Variants in YAP1 observed in about 807,000 individuals in gnomAD.
The protein encoded by YAP1 is transcriptional coactivator YAP1.
A neutral mutation model predicts 56.9 loss-of-function variants in YAP1; 5 were observed. The ratio of observed to expected loss-of-function variants is 0.09; its 90% CI spans 0.05 to 0.18. The LOEUF is 0.18. Among genes scored for constraint, YAP1 ranks in the 10% least tolerant of loss-of-function variants. The pLI is 1.00. For synonymous variants in YAP1, 265 were observed against 248.1 expected, an observed-to-expected ratio of 1.07 and a Z score of -0.64; for missense variants, 539 against 651.8, an observed-to-expected ratio of 0.83 and a Z score of 1.88.
At chr11:102,140,201 A>C (rs1944932402) in intron 2 of YAP1, among the ~76,000 whole-genome samples, 2 of 151,816 alleles carry the variant, frequency 1.3e-5, no homozygotes, top group Non-Finnish European at 2.9e-5. Flanking sequence ...TAAAAAAAAA[A>C]ATCTGTATTT....
At chr11:102,181,933 G>T (rs949722496) in intron 3 of YAP1, among the ~76,000 whole-genome samples, 11 of 152,140 alleles carry the variant, frequency 7.2e-5, no homozygotes, top group Admixed American at 4.6e-4. Flanking sequence ...TGATTCTCCT[G>T]CCTCAGTCTC....
At chr11:102,151,311 A>G (rs1026348972) in intron 2 of YAP1, among the ~76,000 whole-genome samples, 2 of 152,066 alleles carry the variant, frequency 1.3e-5, no homozygotes, top group Admixed American at 1.3e-4. Context: ...TTTAAGTGGT[A>G]CAGAAATCAT....
At chr11:102,153,822 A>C (rs909152498) in intron 2 of YAP1, among the ~76,000 whole-genome samples, 2 of 151,946 alleles carry the variant, frequency 1.3e-5, no homozygotes, top group Non-Finnish European at 2.9e-5. Flanking sequence ...GGGAGACTAG[A>C]ATAATATTCC....
intron 3 of YAP1, among the ~76,000 whole-genome samples, chr11:102,168,430 A>T (rs1425121256): frequency 6.7e-6 from 1 of 149,104 alleles, no homozygotes; most frequent in East Asian, 1.9e-4. Context: ...TGTACATTTG[A>T]TAACAACCCA....
chr11:102,144,763 A>T (rs1945220832), intron 2 of YAP1, among the ~76,000 whole-genome samples: 1 of 152,128 alleles, frequency 6.6e-6, no homozygotes, highest in Non-Finnish European at 1.5e-5. Context: ...TAATTTTGCG[A>T]ATGTTGCCTT....
intron 3 of YAP1, among the ~76,000 whole-genome samples, chr11:102,174,880 A>C (rs1947146127): frequency 1.3e-5 from 2 of 152,210 alleles, no homozygotes; most frequent in African/African-American, 4.8e-5. Context: ...ATGCTGGTGC[A>C]TAGAATGCAG....
intron 6 of YAP1, 89 bp from the exon 7 acceptor site, chr11:102,223,533 G>A: frequency 7.1e-7 from 1 of 1,413,892 alleles, no homozygotes; most frequent in Non-Finnish European, 9.6e-7. Context: ...TATCTGCACG[G>A]TTACTCTGAT....
intron 3 of YAP1, among the ~76,000 whole-genome samples, chr11:102,169,068 A>G (rs1946755511): frequency 6.6e-6 from 1 of 152,184 alleles, no homozygotes; most frequent in South Asian, 2.1e-4. Flanking sequence ...AATCCCATGG[A>G]CCTGATTTGA....
chr11:102,171,769 C>T (rs1333651782), intron 3 of YAP1, among the ~76,000 whole-genome samples: 1 of 152,110 alleles, frequency 6.6e-6, no homozygotes, highest in African/African-American at 2.4e-5. Context: ...ATAGTTTTAC[C>T]TTGAGATAAT....
chr11:102,227,399 G>A lies in YAP1; in HGVS notation c.1164-70G>A, dbSNP rs552208497. 1.3e-4 allele frequency: 125 copies of A among 996,504 alleles called. 2 individuals carry two copies. In the South Asian group the frequency reaches 1.6e-3, roughly 13 times the overall value. The allele number at this position is 996,504 out of a possible 1,614,324, so 61.7% of individuals were successfully genotyped here. ...TGAGAATTATGTTGCTGCTCAGCAGGTGTTTATTTTTACCTTGAATTGATT... is the reference window on the plus strand; with the variant it reads ...TGAGAATTATGTTGCTGCTCAGCAGATGTTTATTTTTACCTTGAATTGATT... On this transcript the variant is annotated intron_variant, in intron 7 of 8. Transcript: ENST00000282441.
At chr11:102,141,237 G>GTCT (rs2135289678) in intron 2 of YAP1, among the ~76,000 whole-genome samples, 1 of 152,308 alleles carries the variant, frequency 6.6e-6, no homozygotes, top group East Asian at 1.9e-4. Flanking sequence ...TTGATATTGT[G>GTCT]TCTTGTGTGC....
intron 3 of YAP1, among the ~76,000 whole-genome samples, chr11:102,166,658 G>A (rs1322878251): frequency 1.3e-5 from 2 of 152,172 alleles, no homozygotes; most frequent in Non-Finnish European, 2.9e-5. Context: ...CTAACCCGAA[G>A]CCTTCACATA....
intron 6 of YAP1, among the ~76,000 whole-genome samples, chr11:102,212,747 A>C (rs963127307): frequency 1.3e-5 from 2 of 151,950 alleles, no homozygotes; most frequent in Non-Finnish European, 2.9e-5. Flanking sequence ...ATGCCCGGCT[A>C]ATTTTGTGTT....
chr11:102,192,563 C>A (rs1393723258), intron 4 of YAP1, among the ~76,000 whole-genome samples: 1 of 152,184 alleles, frequency 6.6e-6, no homozygotes, highest in African/African-American at 2.4e-5. Context: ...GACCCAAGTT[C>A]TGCTATCACA....
At chr11:102,192,613 G>A (rs1948353603) in intron 4 of YAP1, among the ~76,000 whole-genome samples, 1 of 152,168 alleles carries the variant, frequency 6.6e-6, no homozygotes, top group Non-Finnish European at 1.5e-5. Context: ...AACTTCTCTT[G>A]ACTCATCTGT....
chr11:102,176,300 A>G (rs1947242503), intron 3 of YAP1, among the ~76,000 whole-genome samples: 1 of 152,210 alleles, frequency 6.6e-6, no homozygotes, highest in Admixed American at 6.5e-5. Context: ...CACATAGCTT[A>G]TAGTTAAACT....
rs141127508 is a variant in YAP1 at position 102,178,703 on chromosome 11, T to C, written c.689-7315T>C. On this transcript the variant is annotated intron_variant, in intron 3 of 8. Coordinates refer to ENST00000282441, the MANE Select transcript of YAP1 (RefSeq NM_001130145.3). ...CATTATTTTATATATTGCCTACTACTCTCTTTTTGCTTATCCTGAATCAAA... is the reference window on the plus strand; with the variant it reads ...CATTATTTTATATATTGCCTACTACCCTCTTTTTGCTTATCCTGAATCAAA... 1.9e-3 allele frequency among the ~76,000 whole-genome samples: 293 copies of C among 152,324 alleles called. 1 individual carries two copies. Among genetic ancestry groups the C allele is most frequent in the African/African-American group, 6.8e-3 (283 of 41,586 alleles).
At chr11:102,162,839 G>C (rs1417054570) in intron 3 of YAP1, among the ~76,000 whole-genome samples, 1 of 152,168 alleles carries the variant, frequency 6.6e-6, no homozygotes, top group Non-Finnish European at 1.5e-5. Flanking sequence ...CAAATTTGTA[G>C]TTCTGTTAAT....
intron 2 of YAP1, among the ~76,000 whole-genome samples, chr11:102,160,700 T>A (rs1327599636): frequency 2.9e-3 from 1 of 346 alleles, no homozygotes; most frequent in African/African-American, 4.6e-3. Flanking sequence ...ATAACTGGAA[T>A]TGGCAGTTGC....
Sources: allele counts gnomAD v4.1 joint callset (sites outside exome capture counted in the v4.1 genomes callset), GRCh38; gene constraint gnomAD v4.1.1; transcripts MANE v1.5; gene names NCBI Gene and HGNC (gene_info 2026-07-23, HGNC 2026-07-21).